Variants in PRDM16 observed in about 807,000 individuals in gnomAD.
PRDM16 encodes histone-lysine N-methyltransferase PRDM16.
A neutral mutation model predicts 110.6 loss-of-function variants in PRDM16; 23 were observed. The ratio of observed to expected loss-of-function variants is 0.21; its 90% CI spans 0.15 to 0.29. The LOEUF (loss-of-function observed/expected upper bound fraction) is 0.29. Ranked by LOEUF, PRDM16 falls within the 10% of genes least tolerant of loss-of-function variation. PRDM16 has a pLI of 1.00. For missense variants in PRDM16, 1,615 were observed against 1,794.3 expected (o/e 0.90, Z 1.81); for synonymous variants, 799 against 781.8 (o/e 1.02, Z -0.37).
intron 1 of PRDM16, among the ~76,000 whole-genome samples, chr1:3,177,585 G>A (rs550760725): frequency 8.5e-5 from 13 of 152,298 alleles, no homozygotes; most frequent in Non-Finnish European, 1.3e-4. Flanking sequence ...TGCATGCTCC[G>A]CGGCCCAGTC....
At chr1:3,195,579 A>T (rs145886186) in intron 2 of PRDM16, among the ~76,000 whole-genome samples, 1 of 150,336 alleles carries the variant, frequency 6.7e-6, no homozygotes, top group East Asian at 2.0e-4. Flanking sequence ...ATCGCATCCC[A>T]CACGCCCCGC....
intron 2 of PRDM16, among the ~76,000 whole-genome samples, chr1:3,221,825 G>A (rs1639157632): frequency 6.6e-6 from 1 of 152,238 alleles, no homozygotes; most frequent in African/African-American, 2.4e-5. Context: ...AAACACATGT[G>A]CACACAGATG....
At chr1:3,185,371 C>T (rs1385029337) in intron 1 of PRDM16, among the ~76,000 whole-genome samples, 4 of 152,204 alleles carry the variant, frequency 2.6e-5, no homozygotes, top group Non-Finnish European at 5.9e-5. Context: ...TGTTCCTAGC[C>T]TGTGTCGAGA....
At chr1:3,082,957 A>AAAC (rs1416841471) in intron 1 of PRDM16, among the ~76,000 whole-genome samples, 2 of 152,186 alleles carry the variant, frequency 1.3e-5, no homozygotes, top group Non-Finnish European at 2.9e-5. Context: ...GGGACAGATG[A>AAAC]AACACAGAGG....
At position 3,425,483 on chromosome 1, in the gene PRDM16, C is replaced by T. The variant is rs1040667227; in HGVS notation, c.2940-98C>T. 1.0e-5 allele frequency: 14 copies of T among 1,337,924 alleles called. No individual in the cohort carries two copies. Among genetic ancestry groups the T allele is most frequent in the African/African-American group, 2.9e-5 (2 of 68,482 alleles). The allele number at this position is 1,337,924 out of a possible 1,614,324, so 82.9% of individuals were successfully genotyped here. A position where few individuals can be genotyped will look rare whatever the true frequency, so the allele number is the denominator to read the frequency against. The stretch of plus-strand genomic sequence containing the variant: ...GCGGGGCAAAGCTGTGCACGGGGCA[C>T]GGGGCAGGGGCGCGGGCTCCCTTCC... On this transcript the variant is annotated intron_variant, in intron 12 of 16. Transcript: ENST00000270722. This position sits in a 1 kb window ranked among gnomAD's most constrained non-coding sequence, Gnocchi z 6.9.
rs573208238 is a variant in PRDM16, at chr1:3,292,741, G to A, written c.438+48604G>A. On this transcript the variant is annotated intron_variant, in intron 3 of 16. Transcript: ENST00000270722. ...CCAGGAGACAGGGGTCACGGAATTG[G>A]CGCGAAGGGAAGAATGGGGAGCCCA... 1.6e-4 allele frequency among the ~76,000 whole-genome samples: 24 copies of A among 152,360 alleles called. No individual in the cohort carries two copies. The East Asian group carries it at 4.6e-3, about 29-fold the overall frequency.
chr1:3,425,502 C>A lies in PRDM16; in HGVS notation c.2940-79C>A, dbSNP rs1638577382. On this transcript the variant is annotated intron_variant, in intron 12 of 16. Transcript: ENST00000270722. This position sits in a 1 kb window ranked among gnomAD's most constrained non-coding sequence, Gnocchi z 6.9. ...GGGGCACGGGGCAGGGGCGCGGGCT[C>A]CCTTCCCCCCACCCTCTGTGGCCCG... is the stretch of plus-strand genomic sequence containing the variant. The A allele has an allele frequency of 6.7e-7, 1 of 1,489,754 alleles. No homozygotes were observed. Among genetic ancestry groups the A allele is most frequent in the Non-Finnish European group, 9.2e-7 (1 of 1,091,274 alleles). The allele number at this position is 1,489,754 out of a possible 1,614,324, so 92.3% of individuals were successfully genotyped here.
intron 2 of PRDM16, among the ~76,000 whole-genome samples, chr1:3,187,279 T>C (rs900990785): frequency 1.3e-5 from 2 of 152,052 alleles, no homozygotes; most frequent in Non-Finnish European, 2.9e-5. Context: ...ACGCAGCCAA[T>C]TGTCGGTGGT....
intron 3 of PRDM16, among the ~76,000 whole-genome samples, chr1:3,278,814 G>A (rs558046450): frequency 2.6e-5 from 4 of 152,316 alleles, no homozygotes; most frequent in African/African-American, 4.8e-5. Context: ...CACAGGGAAC[G>A]TCAGAGGGGA....
At chr1:3,289,456 G>A (rs1441707547) in intron 3 of PRDM16, among the ~76,000 whole-genome samples, 2 of 152,244 alleles carry the variant, frequency 1.3e-5, no homozygotes, top group Admixed American at 6.5e-5. Context: ...GCTTCCCCAC[G>A]CTGTTTTTGT....
chr1:3,409,975 GTGTT>G (rs1420691929), intron 8 of PRDM16, among the ~76,000 whole-genome samples: 2 of 102,348 alleles, frequency 2.0e-5, no homozygotes, highest in African/African-American at 4.3e-5. Flanking sequence ...GTGTGGTTGT[GTGTT>G]TGCATGGGGG....
chr1:3,346,834 G>A (rs549932214), intron 3 of PRDM16, among the ~76,000 whole-genome samples: 36 of 152,284 alleles, frequency 2.4e-4, no homozygotes, highest in African/African-American at 7.5e-4. Context: ...CTGAACAGAC[G>A]GAATGAGTGA....
chr1:3,151,122 T>C (rs207194), intron 1 of PRDM16, among the ~76,000 whole-genome samples: 31 of 152,180 alleles, frequency 2.0e-4, no homozygotes, highest in African/African-American at 6.8e-4. Context: ...TCTCTGTGCC[T>C]CCTGCGTAGC....
chr1:3,185,036 G>A (rs549535319), intron 1 of PRDM16, among the ~76,000 whole-genome samples: 22 of 152,284 alleles, frequency 1.4e-4, no homozygotes, highest in Admixed American at 6.5e-4. Flanking sequence ...CCTCGCAGAC[G>A]GACATTTGGG....
intron 2 of PRDM16, among the ~76,000 whole-genome samples, chr1:3,223,681 C>G (rs1279757929): frequency 1.3e-5 from 2 of 152,194 alleles, no homozygotes; most frequent in African/African-American, 4.8e-5. Context: ...ATACTCATGT[C>G]AGCCCTAGGA....
intron 2 of PRDM16, among the ~76,000 whole-genome samples, chr1:3,191,880 G>A (rs114482973): frequency 0.012 from 1,796 of 152,258 alleles, 21 homozygotes; most frequent in Non-Finnish European, 0.017. Flanking sequence ...TGAGGCAGGC[G>A]TAAAAAGGTA....
chr1:3,428,621 T>G (rs573070776), intron 14 of PRDM16, among the ~76,000 whole-genome samples: 1 of 152,312 alleles, frequency 6.6e-6, no homozygotes, highest in African/African-American at 2.4e-5. Context: ...AGGCAGCCAG[T>G]CCCTGGGGTG....
intron 1 of PRDM16, among the ~76,000 whole-genome samples, chr1:3,185,147 T>C (rs992988180): frequency 9.9e-5 from 15 of 152,178 alleles, no homozygotes; most frequent in African/African-American, 3.6e-4. Context: ...CTTTTCTTCC[T>C]GTCCAGACTC....
rs545872356 is a variant in PRDM16 at position 3,201,269 on chromosome 1, C to T, written c.387+14795C>T. Among the ~76,000 whole-genome samples, 3 of 135,052 alleles carry T rather than the reference C, an allele frequency of 2.2e-5. No homozygotes were observed. In the East Asian group the frequency reaches 6.2e-4, roughly 28 times the overall value. 88.6% of individuals were successfully genotyped at this position (135,052 alleles called of 152,430 possible). ...GCTGGAGACAAATGTATTTCTCTTG[C>T]CTCTAAAATTCGCTTTGTCATGGGA... On this transcript the variant is annotated intron_variant, in intron 2 of 16. Coordinates refer to ENST00000270722, the MANE Select transcript of PRDM16 (RefSeq NM_022114.4). The surrounding 1 kb of genome is among the most constrained non-coding windows in gnomAD (Gnocchi z 4.1).
Sources: allele counts gnomAD v4.1 joint callset (sites outside exome capture counted in the v4.1 genomes callset), GRCh38; gene constraint gnomAD v4.1.1; non-coding constraint Gnocchi (gnomAD v3.1); transcripts MANE v1.5; gene names NCBI Gene and HGNC (gene_info 2026-07-23, HGNC 2026-07-21).